Variants in CADPS2 observed in about 807,000 individuals in gnomAD.
CADPS2 encodes calcium dependent secretion activator 2.
Under a neutral mutation model 172.5 loss-of-function variants are expected in CADPS2, and 93 were observed. The observed-to-expected ratio is 0.54, with a 90% CI of 0.46 to 0.64. The LOEUF (loss-of-function observed/expected upper bound fraction) is 0.64, where lower values mean the gene tolerates loss of function less well. CADPS2 is among the 30% of genes least tolerant of loss of function. The pLI is 0.00. For missense variants in CADPS2, 1,420 were observed against 1,565.9 expected, an observed-to-expected ratio of 0.91 and a Z score of 1.57; for synonymous variants, 546 against 555.2, an observed-to-expected ratio of 0.98 and a Z score of 0.23.
At chr7:122,685,136 C>T (rs1322346008) in intron 2 of CADPS2, among the ~76,000 whole-genome samples, 2 of 152,132 alleles carry the variant, frequency 1.3e-5, no homozygotes, top group South Asian at 4.2e-4. Flanking sequence ...GGATTGTGAG[C>T]GACCCAAAGG....
chr7:122,566,434 G>T (rs950120159), intron 7 of CADPS2, among the ~76,000 whole-genome samples: 8 of 152,090 alleles, frequency 5.3e-5, no homozygotes, highest in African/African-American at 1.4e-4. Context: ...CAAAGGAAAT[G>T]AAATCTGTAT....
chr7:122,633,964 TTC>T (rs1421654622), intron 3 of CADPS2, among the ~76,000 whole-genome samples: 1 of 152,182 alleles, frequency 6.6e-6, no homozygotes, highest in Non-Finnish European at 1.5e-5. Flanking sequence ...TTAATTTTGG[TTC>T]TGTTTATGTG....
intron 1 of CADPS2, among the ~76,000 whole-genome samples, chr7:122,774,818 TCTAA>T (rs1301987490): frequency 6.6e-6 from 1 of 152,210 alleles, no homozygotes; most frequent in African/African-American, 2.4e-5. Context: ...ATTTAATGTA[TCTAA>T]CTGTTTCATG....
chr7:122,886,267 ACCAGCACATCGCGGCTTTCCTCTT>A lies in CADPS2; in HGVS notation c.47_70del (p.Glu16_Leu23del), dbSNP rs1824363356. ...AGCTCGCTGCGAGCTGCCGGCTGCCACCAGCACATCGCGGCTTTCCTCTTCCAGCCCCTCGTCCGACTCCTCTTC... is the reference window on the plus strand; with the variant it reads ...AGCTCGCTGCGAGCTGCCGGCTGCCACCAGCCCCTCGTCCGACTCCTCTTC... On this transcript the variant is annotated inframe_deletion, in exon 1 of 30. Transcript: ENST00000449022. 1.3e-6 allele frequency: 2 copies of A among 1,505,146 alleles called. No individual in the cohort carries two copies. The highest frequency in any genetic ancestry group is 2.5e-5 in the South Asian group (2 of 80,782). The allele number at this position is 1,505,146 out of a possible 1,614,324, so 93.2% of individuals were successfully genotyped here.
At chr7:122,847,017 G>A (rs934334670) in intron 1 of CADPS2, among the ~76,000 whole-genome samples, 62 of 152,274 alleles carry the variant, frequency 4.1e-4, no homozygotes, top group African/African-American at 1.4e-3. Flanking sequence ...CTTTACACAT[G>A]TTAGAGTTTG....
At chr7:122,577,665 G>T (rs930781702) in intron 7 of CADPS2, among the ~76,000 whole-genome samples, 2 of 152,066 alleles carry the variant, frequency 1.3e-5, no homozygotes, top group Non-Finnish European at 2.9e-5. Flanking sequence ...AAACCCTTTG[G>T]TAAATATCTA....
At chr7:122,408,497 T>C (rs922232926) in intron 19 of CADPS2, among the ~76,000 whole-genome samples, 14 of 152,196 alleles carry the variant, frequency 9.2e-5, no homozygotes, top group African/African-American at 3.4e-4. Context: ...TGATCTCAGC[T>C]TACTGCGACC....
Position 122,386,783 on chromosome 7 carries a change from C to G in CADPS2, c.3312+243G>C, listed in dbSNP as rs1394251618. ...TTATGTAAATGACACAACACTTCAG[C>G]TGTTAAAAGCTATATCTAAAATTCA... On this transcript the variant is annotated intron_variant, in intron 24 of 29. Coordinates refer to ENST00000449022, the MANE Select transcript of CADPS2 (RefSeq NM_017954.11). Among the ~76,000 whole-genome samples, 3 of 152,214 alleles carry G rather than the reference C, an allele frequency of 2.0e-5. No individual in the cohort carries two copies. In the East Asian group the frequency reaches 5.8e-4, roughly 29 times the overall value.
chr7:122,846,393 T>C (rs1307392292), intron 1 of CADPS2, among the ~76,000 whole-genome samples: 1 of 152,212 alleles, frequency 6.6e-6, no homozygotes, highest in African/African-American at 2.4e-5. Context: ...TTTATGAGTG[T>C]GCTTTGTACA....
intron 3 of CADPS2, among the ~76,000 whole-genome samples, chr7:122,659,310 T>TAAAAAAAA (rs34582432): frequency 7.7e-6 from 1 of 129,134 alleles, no homozygotes; most frequent in African/African-American, 3.0e-5. Context: ...ATGCTAGACA[T>TAAAAAAAA]AAAAAAAAAA....
chr7:122,631,685 T>C (rs2076586134), intron 3 of CADPS2, among the ~76,000 whole-genome samples: 1 of 122,694 alleles, frequency 8.2e-6, no homozygotes, highest in African/African-American at 3.1e-5. Flanking sequence ...GGACACTACA[T>C]TGTCTTTTCT....
At chr7:122,536,266 T>C (rs968010003) in intron 8 of CADPS2, among the ~76,000 whole-genome samples, 1 of 152,074 alleles carries the variant, frequency 6.6e-6, no homozygotes, top group African/African-American at 2.4e-5. Context: ...GACCTGTTAA[T>C]TGCAAAACAG....
chr7:122,591,487 T>C (rs2070798318), intron 6 of CADPS2, among the ~76,000 whole-genome samples: 1 of 152,086 alleles, frequency 6.6e-6, no homozygotes, highest in Admixed American at 6.6e-5. Context: ...AAAAAACTAC[T>C]TTAAAGTTCA....
chr7:122,390,898 C>A (rs1056566601), intron 22 of CADPS2, among the ~76,000 whole-genome samples: 1 of 151,480 alleles, frequency 6.6e-6, no homozygotes, highest in African/African-American at 2.4e-5. Flanking sequence ...AAAATGCCAG[C>A]AGGAAACTTA....
intron 7 of CADPS2, among the ~76,000 whole-genome samples, chr7:122,567,294 C>T (rs2066594268): frequency 1.3e-5 from 2 of 152,024 alleles, no homozygotes; most frequent in Non-Finnish European, 2.9e-5. Context: ...ATCCCATCAG[C>T]ACCTTGAAAG....
Position 122,663,232 on chromosome 7 carries a change from C to T in CADPS2, c.786+5G>A, listed in dbSNP as rs201473530. On this transcript the variant is annotated splice_donor_5th_base_variant and intron_variant, in intron 3 of 29. Transcript: ENST00000449022. ...GGGGAAGGGAAAATATCAGAGACCA[C>T]TTACCTGACATGCATTATAAAGGAG... The T allele has an allele frequency of 2.6e-5, 41 of 1,596,414 alleles. No homozygotes were observed. The highest frequency in any genetic ancestry group is 3.1e-5 in the Non-Finnish European group (36 of 1,166,302).
chr7:122,775,203 A>G (rs1283616143), intron 1 of CADPS2, among the ~76,000 whole-genome samples: 3 of 152,234 alleles, frequency 2.0e-5, no homozygotes, highest in African/African-American at 7.2e-5. Context: ...ATGTTTGTGA[A>G]GAGTCTAAGA....
chr7:122,467,783 C>G (rs1586336179), intron 14 of CADPS2, among the ~76,000 whole-genome samples: 1 of 152,186 alleles, frequency 6.6e-6, no homozygotes, highest in African/African-American at 2.4e-5. Context: ...CCACACATAT[C>G]AACCTAGAAC....
intron 1 of CADPS2, among the ~76,000 whole-genome samples, chr7:122,833,919 C>T (rs749059225): frequency 5.9e-5 from 9 of 152,036 alleles, no homozygotes; most frequent in Admixed American, 3.3e-4. Flanking sequence ...ATAACAATTG[C>T]TATAAGAATT....
Sources: gnomAD v4.1 joint callset for allele counts (sites outside exome capture counted in the v4.1 genomes callset) on GRCh38, gnomAD v4.1.1 for gene constraint, MANE v1.5 for transcripts, NCBI Gene and HGNC (gene_info 2026-07-23, HGNC 2026-07-21) for gene names.